The following TTC34 variants were observed in gnomAD, a reference collection of about 807,000 sequenced individuals.
TTC34 encodes the protein tetratricopeptide repeat domain 34.
A neutral mutation model predicts 40.7 loss-of-function variants in TTC34; 44 were observed. The observed-to-expected ratio is 1.08, with a 90% confidence interval of 0.85 to 1.39. The LOEUF (loss-of-function observed/expected upper bound fraction) is 1.39. Among genes scored for constraint, TTC34 ranks in the 40% most tolerant of loss-of-function variants. TTC34 has a pLI of 0.00. For synonymous variants in TTC34, 422 were observed against 398.6 expected, an observed-to-expected ratio of 1.06 and a Z score of -0.70; for missense variants, 884 against 838.0, an observed-to-expected ratio of 1.05 and a Z score of -0.68.
intron 6 of TTC34, among the ~76,000 whole-genome samples, chr1:2,693,627 C>T (rs1263716900): frequency 1.4e-5 from 1 of 73,920 alleles, no homozygotes. Flanking sequence ...GCGCCCACAC[C>T]CCCAGGCGAG....
chr1:2,750,524 T>C (rs1487678244), intron 6 of TTC34, among the ~76,000 whole-genome samples: 232 of 9,108 alleles, frequency 0.025, no homozygotes, highest in Middle Eastern at 0.2. Flanking sequence ...AGCACCCACA[T>C]CCCCAAGCGA....
intron 6 of TTC34, among the ~76,000 whole-genome samples, chr1:2,656,370 C>CTTG (rs1557589955): frequency 4.1e-5 from 4 of 98,580 alleles, no homozygotes; most frequent in Admixed American, 2.2e-4. Context: ...GGAACAGCAC[C>CTTG]CACACCCACA....
intron 6 of TTC34, among the ~76,000 whole-genome samples, chr1:2,750,182 C>G (rs1334344406): frequency 5.6e-4 from 69 of 122,946 alleles, no homozygotes; most frequent in Middle Eastern, 5.2e-3. Flanking sequence ...GAGCATCTGA[C>G]AGCCTGGGTC....
chr1:2,787,962 C>T (rs1236799058), intron 3 of TTC34, among the ~76,000 whole-genome samples: 1 of 152,244 alleles, frequency 6.6e-6, no homozygotes, highest in African/African-American at 2.4e-5. Context: ...GCAGGGCTGA[C>T]CCTGTGTGGA....
intron 6 of TTC34, among the ~76,000 whole-genome samples, chr1:2,656,241 G>A (rs1362911845): frequency 6.6e-6 from 1 of 151,712 alleles, no homozygotes; most frequent in African/African-American, 2.4e-5. Flanking sequence ...TGACAGCCTG[G>A]AACAGCACAC....
At chr1:2,638,221 C>T (rs911450326) in exon 9 of TTC34, 3 of 152,178 alleles carry the variant, frequency 2.0e-5, no homozygotes, top group Non-Finnish European at 2.9e-5. Flanking sequence ...GAAGGAACCA[C>T]TTTCACACCA....
At position 2,752,961 on chromosome 1, in the gene TTC34, A is replaced by G. The variant is rs1216019406; in HGVS notation, c.2226+30648T>C. 3.7e-5 allele frequency among the ~76,000 whole-genome samples: 5 copies of G among 136,488 alleles called. No homozygotes were observed. The Admixed American group carries it at 3.7e-4, about 10-fold the overall frequency. 89.5% of individuals were successfully genotyped at this position (136,488 alleles called of 152,430 possible). ...CCCAGGTGAGCATCCGATAGCCTGG[A>G]GCAACACCCATACCCCCAGGTGAGC... On this transcript the variant is annotated intron_variant, in intron 6 of 8. Coordinates refer to ENST00000401095, the Ensembl canonical transcript of TTC34.
intron 6 of TTC34, among the ~76,000 whole-genome samples, chr1:2,751,783 C>T (rs1191006966): frequency 8.5e-6 from 1 of 117,162 alleles, no homozygotes; most frequent in Non-Finnish European, 1.9e-5. Context: ...AGGTGAGCAT[C>T]TGACAGCCTG....
intron 6 of TTC34, among the ~76,000 whole-genome samples, chr1:2,753,250 C>A (rs1453283204): frequency 3.0e-5 from 4 of 133,172 alleles, no homozygotes; most frequent in Non-Finnish European, 6.4e-5. Context: ...GGAGCAGCAC[C>A]CACACCCCAG....
chr1:2,760,073 T>C (rs1425597401), intron 6 of TTC34, among the ~76,000 whole-genome samples: 6 of 47,246 alleles, frequency 1.3e-4, no homozygotes, highest in South Asian at 1.0e-3. Context: ...CCTGGAGCAG[T>C]GCCCACACCC....
At chr1:2,685,260 C>T (rs1218831346) in intron 6 of TTC34, among the ~76,000 whole-genome samples, 1 of 108,848 alleles carries the variant, frequency 9.2e-6, no homozygotes, top group African/African-American at 4.0e-5. Flanking sequence ...ATCTGAGAGC[C>T]TGGAACAGCA....
chr1:2,684,338 T>A (rs1240734067), intron 6 of TTC34, among the ~76,000 whole-genome samples: 1 of 27,638 alleles, frequency 3.6e-5, no homozygotes, highest in South Asian at 9.2e-4. Flanking sequence ...ATCTGATGGT[T>A]TGCAGCAGCA....
chr1:2,650,014 C>G (rs1639096744), intron 6 of TTC34, among the ~76,000 whole-genome samples: 1 of 151,216 alleles, frequency 6.6e-6, no homozygotes, highest in Non-Finnish European at 1.5e-5. Flanking sequence ...TCTGCATCCC[C>G]AGGTGAGCAT....
intron 6 of TTC34, among the ~76,000 whole-genome samples, chr1:2,756,450 T>TAGAGCAGCACCCACACCCCCA (rs1641508551): frequency 1.2e-5 from 1 of 82,158 alleles, no homozygotes; most frequent in Non-Finnish European, 2.3e-5. Context: ...TCTGACAGCC[T>TAGAGCAGCACCCACACCCCCA]GGAAGAGCAA....
chr1:2,783,894 C>A, intron 5 of TTC34, 119 bp from the exon 6 acceptor site: 1 of 967,768 alleles, frequency 1.0e-6, no homozygotes, highest in Non-Finnish European at 1.4e-6. Context: ...CCTTGGGGAG[C>A]TCACAGGCCA....
At chr1:2,752,663 G>T (rs1360313930) in intron 6 of TTC34, among the ~76,000 whole-genome samples, 7 of 142,142 alleles carry the variant, frequency 4.9e-5, no homozygotes, top group Non-Finnish European at 1.1e-4. Context: ...CCCCAGGCGA[G>T]CATCTGACAA....
Position 2,753,508 on chromosome 1 carries a change from C to A in TTC34, c.2226+30101G>T, listed in dbSNP as rs1292063508. 8.7e-3 allele frequency among the ~76,000 whole-genome samples: 765 copies of A among 87,538 alleles called. 75 individuals are homozygous for A. The highest frequency in any genetic ancestry group is 0.01 in the Non-Finnish European group (510 of 49,628). The allele number at this position is 87,538 out of a possible 152,430, so 57.4% of individuals were successfully genotyped here. A position where few individuals can be genotyped will look rare whatever the true frequency, so the allele number is the denominator to read the frequency against. On this transcript the variant is annotated intron_variant, in intron 6 of 8. Coordinates refer to ENST00000401095, the Ensembl canonical transcript of TTC34. ...ATCAGCACCCACACCCCCAGGCGAGCATCGGACGGCCTGCAACAGCACCCA... is the reference window on the plus strand; with the variant it reads ...ATCAGCACCCACACCCCCAGGCGAGAATCGGACGGCCTGCAACAGCACCCA...
intron 6 of TTC34, among the ~76,000 whole-genome samples, chr1:2,749,420 G>T (rs1641244584): frequency 7.0e-6 from 1 of 142,646 alleles, no homozygotes; most frequent in African/African-American, 2.8e-5. Flanking sequence ...GTGCGCACGT[G>T]ACAGCCTGGA....
chr1:2,789,571 G>C, exon 3 of TTC34: 3 of 1,484,266 alleles, frequency 2.0e-6, no homozygotes, highest in Non-Finnish European at 2.7e-6. Context: ...ACGGCCCGGC[G>C]CGTGGAGATC....
Sources: gnomAD v4.1 joint callset for allele counts (sites outside exome capture counted in the v4.1 genomes callset) on GRCh38, gnomAD v4.1.1 for gene constraint, MANE v1.5 for transcripts, NCBI Gene and HGNC (gene_info 2026-07-23, HGNC 2026-07-21) for gene names.